ANKRD54: variants seen among roughly 807,000 people sequenced by gnomAD.
The protein encoded by ANKRD54 is ankyrin repeat domain 54.
ANKRD54 carries 26 observed loss-of-function variants against 36.2 expected under a neutral mutation model. The observed-to-expected ratio is 0.72, with a 90% CI of 0.53 to 1.00. The LOEUF (loss-of-function observed/expected upper bound fraction) is 1.00, where lower values mean the gene tolerates loss of function less well. Among genes scored for constraint, ANKRD54 ranks in the 50% least tolerant of loss-of-function variants. The pLI, the probability that ANKRD54 is intolerant of heterozygous loss-of-function variation, is 0.00. For missense variants in ANKRD54, 384 were observed against 424.3 expected (o/e 0.91, Z 0.83); for synonymous variants, 209 against 188.4 (o/e 1.11, Z -0.89).
At chr22:37,849,250 C>T (rs1198034478), upstream of ANKRD54, 1 of 647,138 alleles carries the variant, frequency 1.5e-6, no homozygotes, top group Non-Finnish European at 2.8e-6. Context: ...CCTCGGCCTC[C>T]CAAACTGGTG....
upstream of ANKRD54, among the ~76,000 whole-genome samples, chr22:37,846,776 T>C (rs1924862169): frequency 6.6e-6 from 1 of 152,206 alleles, no homozygotes; most frequent in Admixed American, 6.5e-5. Flanking sequence ...CATGAACATT[T>C]TGAGAATTGT....
intron 7 of ANKRD54, 54 bp from the exon 8 acceptor site, chr22:37,832,071 TG>T: frequency 6.5e-7 from 1 of 1,541,638 alleles, no homozygotes. Context: ...CCAGGGCTCC[TG>T]GGTCTCTTCC....
chr22:37,838,664 G>T, intron 2 of ANKRD54, 66 bp from the exon 3 acceptor site: 1 of 1,497,068 alleles, frequency 6.7e-7, no homozygotes, highest in Non-Finnish European at 9.0e-7. Context: ...CTGCAGACCC[G>T]AGCGATGGAG....
chr22:37,832,234 C>A (rs1328368409), intron 7 of ANKRD54, among the ~76,000 whole-genome samples: 1 of 152,244 alleles, frequency 6.6e-6, no homozygotes, highest in Non-Finnish European at 1.5e-5. Context: ...ACACTAGCCA[C>A]TGGCAACTTC....
intron 3 of ANKRD54, among the ~76,000 whole-genome samples, chr22:37,837,281 A>T (rs1923671902): frequency 6.6e-6 from 1 of 152,152 alleles, no homozygotes; most frequent in Non-Finnish European, 1.5e-5. Flanking sequence ...TGTGTACCCT[A>T]GTGACCCAAC....
rs1322059740 is a variant in ANKRD54 at position 37,831,426 on chromosome 22, A to G, written c.*517T>C. 6.5e-6 allele frequency: 1 copy of G among 154,984 alleles called. No homozygotes were observed. Among genetic ancestry groups the G allele is most frequent in the African/African-American group, 2.4e-5 (1 of 41,504 alleles). The allele number at this position is 154,984 out of a possible 1,614,324, so 9.6% of individuals were successfully genotyped here. On this transcript the variant is annotated 3_prime_UTR_variant, in exon 8 of 8. Transcript: ENST00000215941. ...CAACCCTCCCCTTCCAACCAGAGAA[A>G]CTCACTGCAGTATCTCCTTGAAAGT...
Position 37,831,388 on chromosome 22 carries a change from G to A in ANKRD54, c.*555C>T, listed in dbSNP as rs1161923427. On this transcript the variant is annotated 3_prime_UTR_variant, in exon 8 of 8. Coordinates refer to ENST00000215941, the MANE Select transcript of ANKRD54 (RefSeq NM_138797.4). ...TCCCTCTTAACCTTGTATTTTTAAG[G>A]TCTGGGACTCACCAACCCTCCCCTT... 6.5e-6 allele frequency: 1 copy of A among 154,210 alleles called. No homozygotes were observed. Among genetic ancestry groups the A allele is most frequent in the African/African-American group, 2.4e-5 (1 of 41,480 alleles). The allele number at this position is 154,210 out of a possible 1,614,324, so 9.6% of individuals were successfully genotyped here.
At chr22:37,843,837 C>A in intron 1 of ANKRD54, 74 bp downstream of exon 1, 1 of 1,098,192 alleles carries the variant, frequency 9.1e-7, no homozygotes, top group Non-Finnish European at 1.1e-6. Flanking sequence ...AAAGCGCGGC[C>A]ACTGGTCCTC....
At chr22:37,838,445 T>G (rs1408871924) in intron 3 of ANKRD54, 55 bp downstream of exon 3, 2 of 1,531,776 alleles carry the variant, frequency 1.3e-6, no homozygotes, top group East Asian at 4.8e-5. Flanking sequence ...CCCCAAGGCC[T>G]GTGCAGAGAC....
intron 2 of ANKRD54, 31 bp downstream of exon 2, chr22:37,840,156 C>T (rs202243316): frequency 5.0e-6 from 8 of 1,613,948 alleles, no homozygotes; most frequent in Non-Finnish European, 6.8e-6. Context: ...GCCCATGGGA[C>T]CCTGTAGCTG....
chr22:37,839,775 C>T (rs1923995171), intron 2 of ANKRD54, among the ~76,000 whole-genome samples: 1 of 152,230 alleles, frequency 6.6e-6, no homozygotes, highest in African/African-American at 2.4e-5. Context: ...TTGCCTTAGC[C>T]TCCCAAAGTG....
chr22:37,844,876 T>C (rs1425142243), upstream of ANKRD54, among the ~76,000 whole-genome samples: 1 of 152,078 alleles, frequency 6.6e-6, no homozygotes, highest in Non-Finnish European at 1.5e-5. Context: ...CCTTTTTTTT[T>C]CTTTTTCCTC....
intron 3 of ANKRD54, among the ~76,000 whole-genome samples, chr22:37,835,945 T>C (rs1422968850): frequency 6.6e-6 from 1 of 152,024 alleles, no homozygotes; most frequent in Non-Finnish European, 1.5e-5. Context: ...CTTCACACCA[T>C]TCTCCTGCCT....
intron 1 of ANKRD54, among the ~76,000 whole-genome samples, chr22:37,841,897 AAAAT>A (rs1264751929): frequency 1.3e-5 from 2 of 148,178 alleles, no homozygotes; most frequent in Admixed American, 1.4e-4. Flanking sequence ...ATAAATAAAT[AAAAT>A]AAAAACACAA....
Position 37,843,945 on chromosome 22 carries a change from G to A in ANKRD54, c.294C>T (p.His98=), listed in dbSNP as rs2145992593. The A allele has an allele frequency of 7.2e-7, 1 of 1,380,152 alleles. No individual in the cohort carries two copies. The highest frequency in any genetic ancestry group is 9.3e-7 in the Non-Finnish European group (1 of 1,069,614). 85.5% of individuals were successfully genotyped at this position (1,380,152 alleles called of 1,614,324 possible). A position where few individuals can be genotyped will look rare whatever the true frequency, so the allele number is the denominator to read the frequency against. ...CCTTGCCCGTGGGCCCGAGCCGCCG[G>A]TGGGGCCTGGCAGCGCGCCTCAGCC... ...AGRLRRAARP[H]RRLGPTGKEV... Residue 98 remains histidine (H), a synonymous_variant, in exon 1 of 8, where the codon CAC becomes CAT. Coordinates refer to ENST00000215941, the MANE Select transcript of ANKRD54 (RefSeq NM_138797.4).
chr22:37,831,825 G>A lies in ANKRD54; in HGVS notation c.*118C>T, dbSNP rs947580571. The A allele has an allele frequency of 3.2e-5, 35 of 1,086,296 alleles. No homozygotes were observed. Among genetic ancestry groups the A allele is most frequent in the Non-Finnish European group, 4.5e-5 (34 of 754,170 alleles). 67.3% of individuals were successfully genotyped at this position (1,086,296 alleles called of 1,614,324 possible). ...CTGCCCCACGGCATCTGCGGGTGAGGGCAAGGTCCTCACCAGACAAGTGCA... is the reference window on the plus strand; with the variant it reads ...CTGCCCCACGGCATCTGCGGGTGAGAGCAAGGTCCTCACCAGACAAGTGCA... On this transcript the variant is annotated 3_prime_UTR_variant, in exon 8 of 8. Transcript: ENST00000215941.
Position 37,838,562 on chromosome 22 carries a change from G to A in ANKRD54, c.413C>T (p.Ala138Val), listed in dbSNP as rs1923822162. The A allele has an allele frequency of 1.9e-6, 3 of 1,611,048 alleles. No individual in the cohort carries two copies. In the South Asian group the frequency reaches 3.3e-5, roughly 18 times the overall value. The change falls in exon 3 of 8, where the codon GCA (alanine) becomes GTA (valine). Residue 138 changes from alanine (A) to valine (V), a missense_variant. Physicochemically the swap from Ala to Val is moderately conservative, Grantham distance 64. Transcript: ENST00000215941. ...AGCTGTGCGGCCCTTGTCATCAGCT[G>A]CACAGGGATCCGCGCCATCTTCCAG... ...QLLEDGADPCAADDKGRTALH... is the reference protein window; with the variant it reads ...QLLEDGADPCVADDKGRTALH...
Position 37,843,933 on chromosome 22 carries a change from C to G in ANKRD54, c.306G>C (p.Gly102=). 1 of 1,361,214 alleles carries G rather than the reference C, an allele frequency of 7.3e-7. No individual in the cohort carries two copies. The highest frequency in any genetic ancestry group is 9.4e-7 in the Non-Finnish European group (1 of 1,059,936). 84.3% of individuals were successfully genotyped at this position (1,361,214 alleles called of 1,614,324 possible). A position where few individuals can be genotyped will look rare whatever the true frequency, so the allele number is the denominator to read the frequency against. The change falls in exon 1 of 8, where the codon GGG becomes GGC. Residue 102 remains glycine, a synonymous_variant. Coordinates refer to ENST00000215941, the MANE Select transcript of ANKRD54 (RefSeq NM_138797.4). ...CACCGTGCACCTCCTTGCCCGTGGG[C>G]CCGAGCCGCCGGTGGGGCCTGGCAG... The part of the protein sequence containing the change: ...RRAARPHRRL[G]PTGKEVHALK...
intron 1 of ANKRD54, chr22:37,843,678 C>G (rs1208834525): frequency 3.5e-6 from 1 of 283,922 alleles, no homozygotes; most frequent in East Asian, 6.3e-5. Flanking sequence ...CAGAAATTAC[C>G]CAGTGAGAGA....
Sources: allele counts gnomAD v4.1 joint callset (sites outside exome capture counted in the v4.1 genomes callset), GRCh38; gene constraint gnomAD v4.1.1; transcripts MANE v1.5; gene names NCBI Gene and HGNC (gene_info 2026-07-23, HGNC 2026-07-21).